SIMC1: variants seen among roughly 807,000 people sequenced by gnomAD.
SIMC1 encodes SUMO-interacting motif-containing protein 1.
Under a neutral mutation model 82.3 loss-of-function variants are expected in SIMC1, and 55 were observed. The ratio of observed to expected loss-of-function variants is 0.67; its 90% confidence interval spans 0.54 to 0.84. The LOEUF is 0.84. SIMC1 is among the 40% of genes least tolerant of loss of function. SIMC1 has a pLI of 0.00. For synonymous variants in SIMC1, 353 were observed against 426.3 expected (o/e 0.83, Z 2.12); for missense variants, 915 against 1,107.2 (o/e 0.83, Z 2.46).
intron 4 of SIMC1, among the ~76,000 whole-genome samples, chr5:176,310,474 G>T (rs563610474): frequency 8.1e-4 from 123 of 152,356 alleles, no homozygotes; most frequent in South Asian, 1.7e-3. Context: ...GGAATGAAAA[G>T]GAACTAACTG....
At chr5:176,282,098 C>G (rs1219685639) in intron 1 of SIMC1, among the ~76,000 whole-genome samples, 1 of 152,278 alleles carries the variant, frequency 6.6e-6, no homozygotes, top group Non-Finnish European at 1.5e-5. Flanking sequence ...TTGGAGCTTC[C>G]CGGCTGCTTT....
chr5:176,291,840 C>G (rs564039821), intron 2 of SIMC1, among the ~76,000 whole-genome samples: 1 of 152,314 alleles, frequency 6.6e-6, no homozygotes, highest in South Asian at 2.1e-4. Context: ...TAACATACCT[C>G]ACAGGGTCAT....
At chr5:176,342,096 C>T (rs1766175363) in intron 9 of SIMC1, among the ~76,000 whole-genome samples, 1 of 152,232 alleles carries the variant, frequency 6.6e-6, no homozygotes, top group Non-Finnish European at 1.5e-5. Context: ...TGCTTGCCCT[C>T]TAAGTTTCCC....
At chr5:176,259,382 A>G (rs1761943528) in intron 1 of SIMC1, among the ~76,000 whole-genome samples, 1 of 152,072 alleles carries the variant, frequency 6.6e-6, no homozygotes, top group Non-Finnish European at 1.5e-5. Context: ...CCTGGGAGGC[A>G]GAGGTTGCAG....
Position 176,290,224 on chromosome 5 carries a change from C to G in SIMC1, c.700C>G (p.Pro234Ala), listed in dbSNP as rs550444078. The G allele has an allele frequency of 2.4e-5, 38 of 1,613,542 alleles. 1 individual carries two copies. The South Asian group carries it at 4.1e-4, about 17-fold the overall frequency. Reference sequence around the variant, plus strand: ...TTTGCCATGCCCACCGAGAGCCTCACCATGTCCACCACGAGCCTCCTCATG... The same window carrying G: ...TTTGCCATGCCCACCGAGAGCCTCAGCATGTCCACCACGAGCCTCCTCATG... Reference protein sequence around the residue: ...RPLPCPPRASPCPPRASSCPP... With the variant: ...RPLPCPPRASACPPRASSCPP... Residue 234 changes from proline (P) to alanine (A), a missense_variant, in exon 2 of 10, where the codon CCA (proline) becomes GCA (alanine). This residue lies in a region of SIMC1 where 902 missense variants were observed against 1,040.3 expected (regional missense o/e 0.87). Transcript: ENST00000429602.
chr5:176,296,203 C>A (rs543882544), intron 3 of SIMC1, 48 bp from the exon 4 acceptor site: 9 of 1,597,400 alleles, frequency 5.6e-6, no homozygotes, highest in Non-Finnish European at 7.7e-6. Flanking sequence ...CCTATCCCTT[C>A]TTCCGCTAAA....
At position 176,305,631 on chromosome 5, in the gene SIMC1, C is replaced by T. The variant is rs1364320471; in HGVS notation, c.1735-8060C>T. On this transcript the variant is annotated intron_variant, in intron 4 of 9. Coordinates refer to ENST00000429602, the MANE Select transcript of SIMC1 (RefSeq NM_001308195.2). ...ACCCCCCCGTCTGGGAGGTGAGGGG[C>T]GCCTCTGCCCGGCTGCCCCTACTGG... is the stretch of plus-strand genomic sequence containing the variant. Among the ~76,000 whole-genome samples the T allele has an allele frequency of 4.5e-5, 6 of 132,088 alleles. 1 individual carries two copies. Among genetic ancestry groups the T allele is most frequent in the Non-Finnish European group, 6.5e-5 (4 of 61,698 alleles). The allele number at this position is 132,088 out of a possible 152,430, so 86.7% of individuals were successfully genotyped here.
At chr5:176,245,244 T>C (rs1330685177) in intron 1 of SIMC1, among the ~76,000 whole-genome samples, 3 of 152,180 alleles carry the variant, frequency 2.0e-5, no homozygotes, top group African/African-American at 7.2e-5. Flanking sequence ...GAGAAGAACA[T>C]GTGAAGACAC....
At chr5:176,333,436 G>A (rs1385560692) in intron 7 of SIMC1, among the ~76,000 whole-genome samples, 2 of 151,746 alleles carry the variant, frequency 1.3e-5, no homozygotes, top group African/African-American at 2.4e-5. Context: ...GTGTTTTGTT[G>A]TGTTTTGTTT....
At position 176,275,706 on chromosome 5, in the gene SIMC1, C is replaced by T. The variant is rs1762656972; in HGVS notation, c.130-13948C>T. ...AAGGTTGTTGAATTTTGTCAACAAC[C>T]TTTTCTGCATCTATTGAGATAATCA... On this transcript the variant is annotated intron_variant, in intron 1 of 9. Transcript: ENST00000429602. 4.6e-5 allele frequency among the ~76,000 whole-genome samples: 7 copies of T among 151,794 alleles called. No homozygotes were observed. In the South Asian group the frequency reaches 8.4e-4, roughly 18 times the overall value.
At chr5:176,301,143 T>G (rs1276847129) in intron 4 of SIMC1, among the ~76,000 whole-genome samples, 5 of 152,144 alleles carry the variant, frequency 3.3e-5, no homozygotes. Context: ...CCAAATCTCA[T>G]CTTGAATTGT....
chr5:176,301,095 C>T (rs886161303), intron 4 of SIMC1, among the ~76,000 whole-genome samples: 2 of 152,236 alleles, frequency 1.3e-5, no homozygotes, highest in Admixed American at 1.3e-4. Context: ...TCTGTGAGGC[C>T]AGCATTACCC....
At chr5:176,281,769 G>A (rs1018772742) in intron 1 of SIMC1, among the ~76,000 whole-genome samples, 28 of 152,174 alleles carry the variant, frequency 1.8e-4, no homozygotes, top group South Asian at 8.3e-4. Context: ...GAATGCTGCC[G>A]TCTGATCGTT....
chr5:176,269,654 A>C (rs541315523), intron 1 of SIMC1, among the ~76,000 whole-genome samples: 1 of 152,368 alleles, frequency 6.6e-6, no homozygotes, highest in South Asian at 2.1e-4. Context: ...ACTGTTTCTC[A>C]AGTTATTTTA....
intron 2 of SIMC1, 180 bp from the exon 3 acceptor site, chr5:176,294,850 A>C: frequency 1.2e-6 from 1 of 812,676 alleles, no homozygotes; most frequent in East Asian, 3.3e-5. Flanking sequence ...CTGTAGTCCC[A>C]GCTACTCTGG....
Position 176,324,711 on chromosome 5 carries a change from G to C in SIMC1, c.2125G>C (p.Glu709Gln). 1 of 1,602,824 alleles carries C rather than the reference G, an allele frequency of 6.2e-7. No individual in the cohort carries two copies. Among genetic ancestry groups the C allele is most frequent in the Non-Finnish European group, 8.5e-7 (1 of 1,174,528 alleles). ...CACCTGCAGCTCCAATAAAATTGCC[G>C]AGATGATGTTTGGGTTTGTGCTGGA... ...TPTCSSNKIA[E>Q]MMFGFVLDIP... The change falls in exon 7 of 10, where the codon GAG becomes CAG. Residue 709 changes from glutamate (E) to glutamine (Q), a missense_variant. By Grantham distance (29) the Glu-to-Gln change is conservative. This residue lies in a region of SIMC1 where 902 missense variants were observed against 1,040.3 expected (regional missense o/e 0.87). Coordinates refer to ENST00000429602, the MANE Select transcript of SIMC1 (RefSeq NM_001308195.2).
At chr5:176,280,672 T>G (rs889507251) in intron 1 of SIMC1, among the ~76,000 whole-genome samples, 9 of 152,158 alleles carry the variant, frequency 5.9e-5, no homozygotes, top group Admixed American at 1.3e-4. Context: ...CTGTAAAGGA[T>G]TTTATTTCTC....
In SIMC1 at chr5:176,256,881, T is replaced by G. The variant is rs373022548; in HGVS notation, c.129+18244T>G. Among the ~76,000 whole-genome samples, 22 of 152,300 alleles carry G rather than the reference T, an allele frequency of 1.4e-4. 1 individual carries two copies. In the East Asian group the frequency reaches 1.5e-3, roughly 11 times the overall value. The stretch of plus-strand genomic sequence containing the variant: ...CTCAAGTCTCCTGAGTAGGCAGGAC[T>G]ATAGGCAAACACCACCATGCCTGGC... On this transcript the variant is annotated intron_variant, in intron 1 of 9. Transcript: ENST00000429602.
At chr5:176,272,524 G>A (rs1162415271) in intron 1 of SIMC1, among the ~76,000 whole-genome samples, 1 of 152,168 alleles carries the variant, frequency 6.6e-6, no homozygotes, top group African/African-American at 2.4e-5. Context: ...GGTGAGTGAC[G>A]CAGAAGACGG....
Sources: gnomAD v4.1 joint callset for allele counts (sites outside exome capture counted in the v4.1 genomes callset) on GRCh38, gnomAD v4.1.1 for gene constraint, gnomAD v4.1.1 regional missense constraint, MANE v1.5 for transcripts, NCBI Gene and HGNC (gene_info 2026-07-23, HGNC 2026-07-21) for gene names.